Variants in SLC26A7 observed in about 807,000 individuals in gnomAD.
SLC26A7 encodes anion exchange transporter.
SLC26A7 carries 59 observed loss-of-function variants against 82.5 expected under a neutral mutation model. The ratio of observed to expected loss-of-function variants is 0.72; its 90% CI spans 0.58 to 0.89. The LOEUF (loss-of-function observed/expected upper bound fraction) is 0.89, where lower values mean the gene tolerates loss of function less well. SLC26A7 is among the 40% of genes least tolerant of loss of function. The probability of loss-of-function intolerance (pLI) is 0.00; values close to 1 mark genes in which losing one functional copy is unlikely to be tolerated. For missense variants in SLC26A7, 820 were observed against 793.0 expected (o/e 1.03, Z -0.41); for synonymous variants, 271 against 274.3 (o/e 0.99, Z 0.12).
chr8:91,315,040 T>A (rs909107293), intron 4 of SLC26A7, among the ~76,000 whole-genome samples: 8 of 152,144 alleles, frequency 5.3e-5, no homozygotes, highest in Non-Finnish European at 1.0e-4. Flanking sequence ...TAACCTTTTT[T>A]TCCCAGGCAG....
At chr8:91,290,883 TACA>T (rs1281924230) in intron 3 of SLC26A7, among the ~76,000 whole-genome samples, 1 of 152,218 alleles carries the variant, frequency 6.6e-6, no homozygotes, top group Non-Finnish European at 1.5e-5. Context: ...ATCAATCACT[TACA>T]ACATTTCTGC....
intron 15 of SLC26A7, among the ~76,000 whole-genome samples, chr8:91,370,589 T>C (rs1814330349): frequency 6.6e-6 from 1 of 152,072 alleles, no homozygotes; most frequent in Non-Finnish European, 1.5e-5. Context: ...CGGATGCTTG[T>C]TAAATTACCA....
intron 3 of SLC26A7, among the ~76,000 whole-genome samples, chr8:91,294,961 G>T (rs1024425475): frequency 1.1e-4 from 17 of 152,266 alleles, no homozygotes; most frequent in African/African-American, 4.1e-4. Flanking sequence ...ATCTGGGATG[G>T]ACCCTTATTA....
intron 15 of SLC26A7, among the ~76,000 whole-genome samples, chr8:91,387,373 A>G (rs1216729784): frequency 1.3e-5 from 2 of 152,298 alleles, no homozygotes; most frequent in African/African-American, 2.4e-5. Flanking sequence ...GCTATTTTCA[A>G]TTTTGCTTGA....
At chr8:91,223,723 C>T (rs190558490) in intron 2 of SLC26A7, among the ~76,000 whole-genome samples, 1 of 152,286 alleles carries the variant, frequency 6.6e-6, no homozygotes, top group Admixed American at 6.5e-5. Context: ...GTTGGCCTGT[C>T]TTGCTAGGTT....
chr8:91,214,684 A>G (rs1810006336), intron 1 of SLC26A7, among the ~76,000 whole-genome samples: 1 of 152,196 alleles, frequency 6.6e-6, no homozygotes, highest in Non-Finnish European at 1.5e-5. Context: ...CATTGATTCC[A>G]TAAGCAGGGA....
chr8:91,380,325 C>A (rs751735486), intron 15 of SLC26A7, among the ~76,000 whole-genome samples: 1 of 151,826 alleles, frequency 6.6e-6, no homozygotes, highest in Non-Finnish European at 1.5e-5. Context: ...GTAATGGTAC[C>A]CAACTCTAAA....
At chr8:91,378,410 T>C (rs1459736557) in intron 15 of SLC26A7, among the ~76,000 whole-genome samples, 1 of 147,028 alleles carries the variant, frequency 6.8e-6, no homozygotes, top group Non-Finnish European at 1.5e-5. Context: ...ATATAAAGTA[T>C]ATATAAATAA....
At chr8:91,324,978 G>A (rs1812895083) in intron 5 of SLC26A7, among the ~76,000 whole-genome samples, 1 of 152,164 alleles carries the variant, frequency 6.6e-6, no homozygotes, top group African/African-American at 2.4e-5. Flanking sequence ...GAATGGGTTT[G>A]CTTCTAAGAT....
At chr8:91,322,515 CA>C (rs1049387327) in intron 5 of SLC26A7, among the ~76,000 whole-genome samples, 5 of 151,734 alleles carry the variant, frequency 3.3e-5, no homozygotes, top group South Asian at 2.1e-4. Context: ...TTCTTATTTA[CA>C]AAAAAAATTT....
chr8:91,336,053 A>T (rs1444605967), intron 6 of SLC26A7, among the ~76,000 whole-genome samples: 3 of 152,186 alleles, frequency 2.0e-5, no homozygotes, highest in Admixed American at 1.3e-4. Context: ...TTCTTGAGCC[A>T]CCCTGGGAGG....
chr8:91,370,958 CTAGTTG>C (rs1417292482), intron 15 of SLC26A7, among the ~76,000 whole-genome samples: 1 of 151,630 alleles, frequency 6.6e-6, no homozygotes, highest in Non-Finnish European at 1.5e-5. Context: ...TGACAGATAT[CTAGTTG>C]TATTACTTTT....
chr8:91,391,341 C>T (rs989083705), intron 16 of SLC26A7, among the ~76,000 whole-genome samples: 2 of 151,946 alleles, frequency 1.3e-5, no homozygotes, highest in Non-Finnish European at 2.9e-5. Flanking sequence ...AATGAGGCAG[C>T]GATTTTGTTT....
intron 15 of SLC26A7, among the ~76,000 whole-genome samples, chr8:91,378,193 G>A (rs1055723206): frequency 3.3e-5 from 5 of 151,696 alleles, no homozygotes; most frequent in Admixed American, 6.6e-5. Flanking sequence ...GAGCAAACAA[G>A]GGAGGGAGAG....
chr8:91,281,777 C>T (rs906014207), intron 2 of SLC26A7, among the ~76,000 whole-genome samples: 1 of 152,144 alleles, frequency 6.6e-6, no homozygotes, highest in Non-Finnish European at 1.5e-5. Flanking sequence ...CCAACATTAT[C>T]TGCCATGAGG....
At chr8:91,368,003 G>A (rs913302424) in intron 14 of SLC26A7, among the ~76,000 whole-genome samples, 3 of 152,068 alleles carry the variant, frequency 2.0e-5, no homozygotes, top group African/African-American at 7.2e-5. Flanking sequence ...AATTTACAGG[G>A]GCTCAGTGCA....
chr8:91,362,863 A>T (rs1202085691), intron 12 of SLC26A7, among the ~76,000 whole-genome samples: 1 of 152,086 alleles, frequency 6.6e-6, no homozygotes, highest in Non-Finnish European at 1.5e-5. Flanking sequence ...CAGAAGTCAG[A>T]TTAATCTATT....
At chr8:91,385,212 A>G (rs1814769283) in intron 15 of SLC26A7, among the ~76,000 whole-genome samples, 2 of 152,164 alleles carry the variant, frequency 1.3e-5, no homozygotes, top group South Asian at 4.1e-4. Flanking sequence ...TCCTTTGCAC[A>G]TGCTCCAAGC....
Position 91,391,751 on chromosome 8 carries a change from A to G in SLC26A7, c.1777-2046A>G, listed in dbSNP as rs146889756. ...TAGGAGCTTCATTTTAAACACCCATAGGTGATTCTGATGCAGGGGGCTCAA... is the reference window on the plus strand; with the variant it reads ...TAGGAGCTTCATTTTAAACACCCATGGGTGATTCTGATGCAGGGGGCTCAA... On this transcript the variant is annotated intron_variant, in intron 16 of 18. Coordinates refer to ENST00000276609, the MANE Select transcript of SLC26A7 (RefSeq NM_052832.4). 5.2e-3 allele frequency among the ~76,000 whole-genome samples: 783 copies of G among 151,894 alleles called. 12 individuals carry two copies. Among genetic ancestry groups the G allele is most frequent in the Admixed American group, 0.011 (165 of 15,254 alleles).
Sources: allele counts gnomAD v4.1 joint callset (sites outside exome capture counted in the v4.1 genomes callset), GRCh38; gene constraint gnomAD v4.1.1; transcripts MANE v1.5; gene names NCBI Gene and HGNC (gene_info 2026-07-23, HGNC 2026-07-21).